Variants in HYDIN observed in about 807,000 individuals in gnomAD.
HYDIN encodes the protein axonemal central pair apparatus protein HYDIN.
Under a neutral mutation model 403.9 loss-of-function variants are expected in HYDIN, and 132 were observed. The ratio of observed to expected loss-of-function variants is 0.33; its 90% CI spans 0.28 to 0.38. HYDIN has a LOEUF of 0.38. Among genes scored for constraint, HYDIN ranks in the 10% least tolerant of loss-of-function variants. The pLI is 1.00. For synonymous variants in HYDIN, 1,202 were observed against 1,891.7 expected (o/e 0.64, Z 9.46); for missense variants, 2,827 against 5,009.5 (o/e 0.56, Z 13.15).
At chr16:71,073,783 G>A (rs1471597548) in intron 13 of HYDIN, among the ~76,000 whole-genome samples, 2 of 152,074 alleles carry the variant, frequency 1.3e-5, no homozygotes, top group East Asian at 3.9e-4. Flanking sequence ...CCCATCCAAG[G>A]ATTCATCTAT....
At chr16:70,919,305 T>C (rs116649729) in intron 46 of HYDIN, among the ~76,000 whole-genome samples, 3,854 of 152,278 alleles carry the variant, frequency 0.025, 96 homozygotes, top group Middle Eastern at 0.082. Context: ...GTTCTTGTTA[T>C]AGTCCTTTTT....
intron 1 of HYDIN, among the ~76,000 whole-genome samples, chr16:71,190,345 A>AT (rs2087370924): frequency 1.3e-5 from 1 of 78,736 alleles, no homozygotes; most frequent in Non-Finnish European, 2.1e-5. Context: ...CAATTTGAGC[A>AT]TAAAAAAAAA....
chr16:71,229,579 A>G (rs1336448707), intron 1 of HYDIN, among the ~76,000 whole-genome samples: 1 of 152,232 alleles, frequency 6.6e-6, no homozygotes, highest in Non-Finnish European at 1.5e-5. Flanking sequence ...GAAATGAGCT[A>G]CTGTTACATA....
intron 36 of HYDIN, among the ~76,000 whole-genome samples, chr16:70,965,845 T>C (rs547881689): frequency 2.5e-4 from 38 of 152,150 alleles, no homozygotes; most frequent in Admixed American, 1.6e-3. Context: ...AAGAAGGCTA[T>C]TGCCCTACCA....
chr16:71,188,832 T>C (rs1155051), intron 1 of HYDIN, among the ~76,000 whole-genome samples: 52,661 of 151,918 alleles, frequency 0.35, 9,590 homozygotes, highest in East Asian at 0.57. Context: ...GCAAATAGAA[T>C]GGTGACAAAA....
rs1484757915 is a variant in HYDIN at position 70,874,897 on chromosome 16, T to A, written c.10580A>T (p.Glu3527Val). Residue 3527 changes from glutamate to valine, a missense_variant, in exon 63 of 86, where the codon GAG (glutamate) becomes GTG (valine). Transcript: ENST00000393567. Reference protein sequence around the residue: ...PAQLHVDLQDELGVFSLKGRP... With the variant: ...PAQLHVDLQDVLGVFSLKGRP... ...CCCTTTCAGGGAGAAGACTCCTAGCTCATCCTGCAGGTCAACATGCAGCTG... is the reference window on the plus strand; with the variant it reads ...CCCTTTCAGGGAGAAGACTCCTAGCACATCCTGCAGGTCAACATGCAGCTG... 1 of 1,607,864 alleles carries A rather than the reference T, an allele frequency of 6.2e-7. No individual in the cohort carries two copies. The highest frequency in any genetic ancestry group is 8.5e-7 in the Non-Finnish European group (1 of 1,178,070).
chr16:71,213,043 G>C (rs931398404), intron 1 of HYDIN, among the ~76,000 whole-genome samples: 1 of 152,148 alleles, frequency 6.6e-6, no homozygotes, highest in Non-Finnish European at 1.5e-5. Flanking sequence ...TTCAAATGTA[G>C]TGAAAGGAAA....
At position 70,804,895 on chromosome 16, in the gene HYDIN, T is replaced by C. The variant is rs1489017058; in HGVS notation, c.*2685A>G. Reference sequence around the variant, plus strand: ...GGGAAGCACTGGAACAGGTCTGAAGTTGGGGGAGTTGCCCCTAGCCACCCC... The same window carrying C: ...GGGAAGCACTGGAACAGGTCTGAAGCTGGGGGAGTTGCCCCTAGCCACCCC... On this transcript the variant is annotated 3_prime_UTR_variant, in exon 86 of 86. Transcript: ENST00000393567. Among the ~76,000 whole-genome samples the C allele has an allele frequency of 6.6e-6, 1 of 152,218 alleles. No individual in the cohort carries two copies. The highest frequency in any genetic ancestry group is 1.5e-5 in the Non-Finnish European group (1 of 68,032).
At chr16:71,126,271 C>T (rs111748559) in intron 9 of HYDIN, among the ~76,000 whole-genome samples, 5 of 152,218 alleles carry the variant, frequency 3.3e-5, no homozygotes, top group African/African-American at 1.2e-4. Flanking sequence ...TCCAACATTG[C>T]TTGAAGTCAA....
rs752369373 is a variant in HYDIN at position 70,807,780 on chromosome 16, C to A, written c.15166G>T (p.Val5056Leu). ...CGAATGGTGAAGGCTGGGTTATCCA[C>A]GATGATGGAGAAGGTCACCATGTGA... ...FYHMVTFSII[V>L]DNPAFTIRAG... Residue 5056 changes from valine (V) to leucine (L), a missense_variant, in exon 86 of 86, where the codon GTG becomes TTG. Transcript: ENST00000393567. 3 of 1,614,044 alleles carry A rather than the reference C, an allele frequency of 1.9e-6. No individual in the cohort carries two copies. The highest frequency in any genetic ancestry group is 1.7e-6 in the Non-Finnish European group (2 of 1,180,024).
At chr16:70,875,870 A>G (rs1157789573) in intron 62 of HYDIN, among the ~76,000 whole-genome samples, 1 of 152,198 alleles carries the variant, frequency 6.6e-6, no homozygotes, top group African/African-American at 2.4e-5. Context: ...AAATGGCAAA[A>G]ACAGGGAATG....
chr16:71,182,347 A>G (rs2086942879), intron 3 of HYDIN, among the ~76,000 whole-genome samples: 1 of 152,116 alleles, frequency 6.6e-6, no homozygotes, highest in African/African-American at 2.4e-5. Context: ...GGGCAGGGGG[A>G]GAACGAGATG....
At chr16:71,002,071 G>A (rs1235595732) in intron 23 of HYDIN, among the ~76,000 whole-genome samples, 2 of 152,062 alleles carry the variant, frequency 1.3e-5, no homozygotes. Flanking sequence ...TCCTTCAAGG[G>A]CATTCTTTAT....
chr16:70,802,271 A>T lies in HYDIN; in HGVS notation c.*5309T>A, dbSNP rs1283973104. 6.6e-6 allele frequency: 1 copy of T among 152,226 alleles called. No homozygotes were observed. Among genetic ancestry groups the T allele is most frequent in the Non-Finnish European group, 1.5e-5 (1 of 68,034 alleles). The allele number at this position is 152,226 out of a possible 1,614,324, so 9.4% of individuals were successfully genotyped here. On this transcript the variant is annotated 3_prime_UTR_variant, in exon 86 of 86. Transcript: ENST00000393567. ...CATGCCCTGTATTATGCCCTCTTTC[A>T]GCGTGAACAAGACTTGTAAATATGA...
chr16:71,212,257 T>C (rs1231123107), intron 1 of HYDIN, among the ~76,000 whole-genome samples: 1 of 152,236 alleles, frequency 6.6e-6, no homozygotes, highest in Non-Finnish European at 1.5e-5. Flanking sequence ...AGAATGTTCT[T>C]GGTCTTAGGA....
rs190573090 is a variant in HYDIN, at chr16:70,834,991, T to C, written c.13401+685A>G. ...ATATATGTGTGTATATATATATATA[T>C]ACACACATATATATATACACACACA... On this transcript the variant is annotated intron_variant, in intron 78 of 85. Transcript: ENST00000393567. Among the ~76,000 whole-genome samples the C allele has an allele frequency of 8.1e-3, 1,117 of 137,622 alleles. 17 individuals carry two copies. The East Asian group carries it at 0.089, about 11-fold the overall frequency. 90.3% of individuals were successfully genotyped at this position (137,622 alleles called of 152,430 possible).
rs372874721 is a variant in HYDIN, at chr16:71,042,607, C to T, written c.2530-10690G>A. ...TGAGCTATAAAAAAATGGTCTATGA[C>T]GACGTTTCCCTTCTTATACAACGTT... is the stretch of plus-strand genomic sequence containing the variant. On this transcript the variant is annotated intron_variant, in intron 18 of 85. Transcript: ENST00000393567. Among the ~76,000 whole-genome samples the T allele has an allele frequency of 7.4e-3, 1,125 of 152,238 alleles. 10 individuals are homozygous for T. Among genetic ancestry groups the T allele is most frequent in the African/African-American group, 0.023 (938 of 41,538 alleles).
intron 1 of HYDIN, among the ~76,000 whole-genome samples, chr16:71,229,163 G>C (rs1442910138): frequency 7.9e-6 from 1 of 126,656 alleles, no homozygotes; most frequent in Non-Finnish European, 1.6e-5. Context: ...TTGTGGGGTG[G>C]GGGGAGGGGG....
At chr16:71,114,049 T>G (rs1289134135) in intron 10 of HYDIN, 3 of 150,842 alleles carry the variant, frequency 2.0e-5, no homozygotes, top group East Asian at 3.9e-4. Context: ...CATCCTGGCA[T>G]GTGATCTGAG....
Sources: allele counts gnomAD v4.1 joint callset (sites outside exome capture counted in the v4.1 genomes callset), GRCh38; gene constraint gnomAD v4.1.1; transcripts MANE v1.5; gene names NCBI Gene and HGNC (gene_info 2026-07-23, HGNC 2026-07-21).